PCBP3: variants seen among roughly 807,000 people sequenced by gnomAD.
PCBP3 encodes poly(rC) binding protein 3.
A neutral mutation model predicts 52.7 loss-of-function variants in PCBP3; 25 were observed. The observed-to-expected ratio is 0.47, with a 90% CI of 0.35 to 0.66. The LOEUF is 0.66. Among genes scored for constraint, PCBP3 ranks in the 30% least tolerant of loss-of-function variants. The pLI is 0.01. For missense variants in PCBP3, 391 were observed against 490.3 expected, an observed-to-expected ratio of 0.80 and a Z score of 1.91; for synonymous variants, 162 against 183.0, an observed-to-expected ratio of 0.89 and a Z score of 0.93.
intron 4 of PCBP3, among the ~76,000 whole-genome samples, chr21:45,769,282 G>A (rs1329568043): frequency 6.6e-6 from 1 of 152,244 alleles, no homozygotes; most frequent in Non-Finnish European, 1.5e-5. Context: ...AGTGTACACA[G>A]GTTTCTACAG....
chr21:45,772,817 C>T (rs2089978323), intron 4 of PCBP3, among the ~76,000 whole-genome samples: 1 of 152,098 alleles, frequency 6.6e-6, no homozygotes, highest in Admixed American at 6.5e-5. Flanking sequence ...ATTTGCGTTT[C>T]TCTGGTGATT....
At chr21:45,857,542 A>G (rs2094348547) in intron 5 of PCBP3, among the ~76,000 whole-genome samples, 1 of 152,180 alleles carries the variant, frequency 6.6e-6, no homozygotes, top group East Asian at 1.9e-4. Flanking sequence ...TGACAATGCA[A>G]GAACAGCCTA....
At chr21:45,872,937 T>G (rs540986023) in intron 5 of PCBP3, 21 of 152,324 alleles carry the variant, frequency 1.4e-4, no homozygotes, top group African/African-American at 5.1e-4. Context: ...TTTGTTCATA[T>G]TTGATTTGGA....
chr21:45,770,142 G>A (rs998040448), intron 4 of PCBP3, among the ~76,000 whole-genome samples: 2 of 152,130 alleles, frequency 1.3e-5, no homozygotes, highest in South Asian at 4.1e-4. Context: ...CCGTCTGAAC[G>A]GCGCCCCTGA....
At chr21:45,930,470 C>A (rs2076037193) in intron 14 of PCBP3, among the ~76,000 whole-genome samples, 1 of 152,196 alleles carries the variant, frequency 6.6e-6, no homozygotes, top group Admixed American at 6.5e-5. Flanking sequence ...TGACCCGAGT[C>A]AGCCCTAGCC....
chr21:45,713,214 G>C (rs1182690154), intron 2 of PCBP3, among the ~76,000 whole-genome samples: 4 of 152,078 alleles, frequency 2.6e-5, no homozygotes, highest in African/African-American at 9.7e-5. Flanking sequence ...GTTGTGCTTG[G>C]TGTCCGTTTA....
chr21:45,889,704 G>T (rs1296140468), intron 5 of PCBP3, among the ~76,000 whole-genome samples: 3 of 152,202 alleles, frequency 2.0e-5, no homozygotes, highest in South Asian at 2.1e-4. Flanking sequence ...TGGCTCTTGT[G>T]GCAGTACATT....
chr21:45,804,830 G>T (rs1305485870), intron 4 of PCBP3, among the ~76,000 whole-genome samples: 1 of 152,142 alleles, frequency 6.6e-6, no homozygotes, highest in African/African-American at 2.4e-5. Context: ...AGCAGGAGGG[G>T]TGGGAAGGAA....
chr21:45,666,601 C>A (rs1023822690), intron 1 of PCBP3, among the ~76,000 whole-genome samples: 1 of 152,012 alleles, frequency 6.6e-6, no homozygotes, highest in Non-Finnish European at 1.5e-5. Flanking sequence ...TTTGTTTTTG[C>A]AGAATAATTT....
intron 1 of PCBP3, among the ~76,000 whole-genome samples, chr21:45,646,085 C>CTCTT (rs2079252943): frequency 1.2e-5 from 1 of 85,280 alleles, no homozygotes; most frequent in African/African-American, 5.4e-5. Flanking sequence ...CTCTCTCTTT[C>CTCTT]TCTCTCTCTC....
chr21:45,811,323 G>A (rs940873550), intron 4 of PCBP3, among the ~76,000 whole-genome samples: 2 of 152,218 alleles, frequency 1.3e-5, no homozygotes, highest in Non-Finnish European at 2.9e-5. Context: ...AGGCTCACGG[G>A]GAGGACTCAC....
At chr21:45,657,138 T>G (rs1416602358) in intron 1 of PCBP3, among the ~76,000 whole-genome samples, 2 of 152,210 alleles carry the variant, frequency 1.3e-5, no homozygotes, top group Non-Finnish European at 2.9e-5. Context: ...CTTGATAGTA[T>G]CCTTTGATGC....
intron 9 of PCBP3, among the ~76,000 whole-genome samples, chr21:45,901,747 A>G (rs1386072152): frequency 1.3e-5 from 2 of 150,792 alleles, no homozygotes; most frequent in African/African-American, 2.5e-5. Flanking sequence ...AGACAGAAAG[A>G]GAGAGAGACA....
intron 1 of PCBP3, among the ~76,000 whole-genome samples, chr21:45,645,206 A>G (rs1398743936): frequency 2.0e-5 from 3 of 150,306 alleles, no homozygotes; most frequent in African/African-American, 7.4e-5. Flanking sequence ...AAGTGCAGTG[A>G]CCGACTAACT....
At chr21:45,661,164 T>C (rs573496094) in intron 1 of PCBP3, among the ~76,000 whole-genome samples, 1 of 152,314 alleles carries the variant, frequency 6.6e-6, no homozygotes, top group African/African-American at 2.4e-5. Flanking sequence ...TTTTTCAATT[T>C]AAAAATAGAT....
chr21:45,715,079 A>C (rs1271191725), intron 2 of PCBP3, among the ~76,000 whole-genome samples: 1 of 152,244 alleles, frequency 6.6e-6, no homozygotes, highest in African/African-American at 2.4e-5. Context: ...AAATCTCAGT[A>C]ACAGTGTTAA....
chr21:45,649,443 T>G lies in PCBP3; in HGVS notation c.-279+5575T>G, dbSNP rs78181167. ...CTTTTTATAGTCTACTTAGAACTTA[T>G]TTTTGTGTGGGGTATGAGATAGAGA... On this transcript the variant is annotated intron_variant, in intron 1 of 17. Coordinates refer to ENST00000681687, the MANE Select transcript of PCBP3 (RefSeq NM_001384156.1). Among the ~76,000 whole-genome samples, 485 of 152,314 alleles carry G rather than the reference T, an allele frequency of 3.2e-3. 3 individuals are homozygous for G. The highest frequency in any genetic ancestry group is 0.011 in the African/African-American group (465 of 41,574).
chr21:45,834,178 C>G (rs957771133), intron 4 of PCBP3, among the ~76,000 whole-genome samples: 2 of 152,222 alleles, frequency 1.3e-5, no homozygotes, highest in Admixed American at 6.5e-5. Flanking sequence ...TGTCAAGGGC[C>G]CAGACTCCAA....
At chr21:45,898,990 C>T (rs1388114037) in intron 6 of PCBP3, among the ~76,000 whole-genome samples, 7 of 152,256 alleles carry the variant, frequency 4.6e-5, no homozygotes, top group African/African-American at 1.4e-4. Context: ...ACCGACGTCA[C>T]CATTGCTGGC....
Sources: gnomAD v4.1 joint callset for allele counts (sites outside exome capture counted in the v4.1 genomes callset) on GRCh38, gnomAD v4.1.1 for gene constraint, MANE v1.5 for transcripts, NCBI Gene and HGNC (gene_info 2026-07-23, HGNC 2026-07-21) for gene names.